AK5: variants seen among roughly 807,000 people sequenced by gnomAD.
The protein encoded by AK5 is adenylate kinase isoenzyme 5.
Under a neutral mutation model 69.5 loss-of-function variants are expected in AK5, and 27 were observed. That is an observed-to-expected ratio of 0.39 (90% CI 0.29 to 0.54). The LOEUF (loss-of-function observed/expected upper bound fraction) is 0.54, where lower values mean the gene tolerates loss of function less well. Among genes scored for constraint, AK5 ranks in the 20% least tolerant of loss-of-function variants. The pLI, the probability that AK5 is intolerant of heterozygous loss-of-function variation, is 0.71. For missense variants in AK5, 531 were observed against 700.4 expected (o/e 0.76, Z 2.73); for synonymous variants, 260 against 244.4 (o/e 1.06, Z -0.60).
intron 8 of AK5, among the ~76,000 whole-genome samples, chr1:77,420,814 G>A (rs10493606): frequency 0.42 from 63,437 of 151,922 alleles, 14,601 homozygotes; most frequent in Non-Finnish European, 0.53. Context: ...ATTTGACACC[G>A]TAAACTAGGG....
chr1:77,341,527 C>CT (rs1171612755), intron 6 of AK5, among the ~76,000 whole-genome samples: 1 of 152,138 alleles, frequency 6.6e-6, no homozygotes, highest in African/African-American at 2.4e-5. Context: ...CACATAAAGA[C>CT]TTTTTTTCAC....
intron 7 of AK5, among the ~76,000 whole-genome samples, chr1:77,414,083 T>C (rs181192479): frequency 4.6e-5 from 7 of 152,332 alleles, no homozygotes; most frequent in Admixed American, 4.6e-4. Context: ...CATGGATCAA[T>C]GAGAGCAAGA....
At chr1:77,317,015 C>T (rs963628634) in intron 5 of AK5, among the ~76,000 whole-genome samples, 1 of 152,162 alleles carries the variant, frequency 6.6e-6, no homozygotes, top group African/African-American at 2.4e-5. Context: ...TATAATTTCA[C>T]GTGCTTTATA....
intron 8 of AK5, among the ~76,000 whole-genome samples, chr1:77,423,945 T>C (rs1365685715): frequency 3.3e-5 from 5 of 152,110 alleles, no homozygotes; most frequent in African/African-American, 1.2e-4. Context: ...AACCCAACTC[T>C]AGCCACCTCT....
intron 12 of AK5, 69 bp downstream of exon 12, chr1:77,522,012 C>CA: frequency 8.3e-7 from 1 of 1,207,710 alleles, no homozygotes; most frequent in Non-Finnish European, 1.2e-6. Flanking sequence ...GGTGATAATT[C>CA]AAAGTCTATT....
chr1:77,467,916 A>G (rs189896134), intron 8 of AK5, among the ~76,000 whole-genome samples: 3 of 152,318 alleles, frequency 2.0e-5, no homozygotes, highest in Admixed American at 1.3e-4. Flanking sequence ...CCCGGTGCTC[A>G]TAGCAGTATC....
At chr1:77,422,105 C>A (rs1002274243) in intron 8 of AK5, among the ~76,000 whole-genome samples, 7 of 152,224 alleles carry the variant, frequency 4.6e-5, no homozygotes, top group African/African-American at 1.7e-4. Context: ...CCAAGCCAGA[C>A]ACAAGGGCGT....
intron 6 of AK5, among the ~76,000 whole-genome samples, chr1:77,352,606 G>A (rs1002138044): frequency 6.6e-6 from 1 of 152,160 alleles, no homozygotes. Flanking sequence ...GAGAAGCAAT[G>A]ATACCTGTTA....
rs1273543381 is a variant in AK5, at chr1:77,438,322, AAAC to A, written c.1059+20610_1059+20612del. On this transcript the variant is annotated intron_variant, in intron 8 of 13. Coordinates refer to ENST00000354567, the MANE Select transcript of AK5 (RefSeq NM_174858.3). ...AAAAAAAAAAAAAAAAAAAAAAAAA[AAAC>A]AAGCTTGGGGAGTTCAAATAACGCC... 4.3e-3 allele frequency among the ~76,000 whole-genome samples: 567 copies of A among 130,420 alleles called. 23 individuals are homozygous for A. The highest frequency in any genetic ancestry group is 6.8e-3 in the East Asian group (31 of 4,550). The allele number at this position is 130,420 out of a possible 152,430, so 85.6% of individuals were successfully genotyped here. A position where few individuals can be genotyped will look rare whatever the true frequency, so the allele number is the denominator to read the frequency against.
At position 77,559,391 on chromosome 1, in the gene AK5, T is replaced by C. The variant is rs1184238134; in HGVS notation, c.*721T>C. 1.3e-5 allele frequency: 2 copies of C among 152,216 alleles called. No homozygotes were observed. Among genetic ancestry groups the C allele is most frequent in the Admixed American group, 6.5e-5 (1 of 15,282 alleles). The allele number at this position is 152,216 out of a possible 1,614,324, so 9.4% of individuals were successfully genotyped here. On this transcript the variant is annotated 3_prime_UTR_variant, in exon 14 of 14. Coordinates refer to ENST00000354567, the MANE Select transcript of AK5 (RefSeq NM_174858.3). ...TGGCTAAGAGAACAAATCTGATAAA[T>C]TGTGTAACCTAGTCTCTTCTCTACA... is the stretch of plus-strand genomic sequence containing the variant.
intron 10 of AK5, among the ~76,000 whole-genome samples, chr1:77,502,412 C>G (rs1456745249): frequency 3.3e-5 from 5 of 152,154 alleles, no homozygotes; most frequent in Non-Finnish European, 5.9e-5. Flanking sequence ...TTCACCAGTT[C>G]CACTAACATC....
At chr1:77,549,084 C>A (rs1440375638) in intron 13 of AK5, among the ~76,000 whole-genome samples, 1 of 151,874 alleles carries the variant, frequency 6.6e-6, no homozygotes. Context: ...CCATGTTGGC[C>A]AGGCTGGTCT....
intron 6 of AK5, among the ~76,000 whole-genome samples, chr1:77,402,439 TCC>T (rs201069053): frequency 8.3e-6 from 1 of 121,108 alleles, no homozygotes; most frequent in Non-Finnish European, 1.7e-5. Context: ...ATGCTATCCC[TCC>T]CCCCTCCCCC....
rs12031094 is a variant in AK5, at chr1:77,422,182, T to C, written c.1059+4467T>C. Reference sequence around the variant, plus strand: ...TGATCAAGAAGCTACTCAGTTCTCCTGTGCAGGAATTGCTTCTCCCACTCC... The same window carrying C: ...TGATCAAGAAGCTACTCAGTTCTCCCGTGCAGGAATTGCTTCTCCCACTCC... On this transcript the variant is annotated intron_variant, in intron 8 of 13. Transcript: ENST00000354567. Among the ~76,000 whole-genome samples, 523 of 152,312 alleles carry C rather than the reference T, an allele frequency of 3.4e-3. 7 individuals are homozygous for C. Among genetic ancestry groups the C allele is most frequent in the East Asian group, 0.028 (144 of 5,168 alleles).
intron 13 of AK5, among the ~76,000 whole-genome samples, 163 bp downstream of exon 13, chr1:77,536,201 C>T (rs1415294251): frequency 1.3e-5 from 2 of 152,164 alleles, no homozygotes; most frequent in Non-Finnish European, 2.9e-5. Context: ...TGGCTTATGC[C>T]TGTAATCCCA....
intron 6 of AK5, among the ~76,000 whole-genome samples, chr1:77,374,626 C>A (rs757897200): frequency 1.3e-5 from 2 of 151,760 alleles, no homozygotes; most frequent in Non-Finnish European, 2.9e-5. Flanking sequence ...GCGAGACTAA[C>A]CTGAGAAGCA....
intron 1 of AK5, among the ~76,000 whole-genome samples, chr1:77,285,762 G>C (rs980889725): frequency 3.9e-5 from 6 of 151,962 alleles, no homozygotes; most frequent in Non-Finnish European, 7.4e-5. Context: ...GGATATCGTA[G>C]TGACTTACTC....
At chr1:77,528,097 A>G (rs1178842897) in intron 12 of AK5, among the ~76,000 whole-genome samples, 13 of 152,216 alleles carry the variant, frequency 8.5e-5, no homozygotes, top group African/African-American at 3.1e-4. Context: ...CCAGATGAAC[A>G]AAGATGCTAC....
chr1:77,536,079 C>CATT, intron 13 of AK5, 41 bp downstream of exon 13: 1 of 1,263,208 alleles, frequency 7.9e-7, no homozygotes, highest in Non-Finnish European at 1.1e-6. Flanking sequence ...AGCCGCTTAC[C>CATT]TTTTTTTTTT....
Sources: gnomAD v4.1 joint callset for allele counts (sites outside exome capture counted in the v4.1 genomes callset) on GRCh38, gnomAD v4.1.1 for gene constraint, MANE v1.5 for transcripts, NCBI Gene and HGNC (gene_info 2026-07-23, HGNC 2026-07-21) for gene names.